The following WAC variants were observed in gnomAD, a reference collection of about 807,000 sequenced individuals.
WAC encodes WW domain containing adaptor with coiled-coil, also known as WW domain-containing adapter protein with coiled-coil.
WAC carries 11 observed loss-of-function variants against 79.6 expected under a neutral mutation model. The ratio of observed to expected loss-of-function variants is 0.14; its 90% CI spans 0.09 to 0.23. WAC has a LOEUF of 0.23. Among genes scored for constraint, WAC ranks in the 10% least tolerant of loss-of-function variants. The pLI is 1.00. For synonymous variants in WAC, 304 were observed against 276.9 expected, an observed-to-expected ratio of 1.10 and a Z score of -0.97; for missense variants, 728 against 773.5, an observed-to-expected ratio of 0.94 and a Z score of 0.70.
intron 3 of WAC, among the ~76,000 whole-genome samples, chr10:28,545,556 A>G (rs1255747150): frequency 6.6e-6 from 1 of 152,214 alleles, no homozygotes; most frequent in African/African-American, 2.4e-5. Context: ...AGATTTAGGG[A>G]GAGTACACAG....
chr10:28,560,050 C>T (rs925379540), intron 3 of WAC, among the ~76,000 whole-genome samples: 5 of 151,980 alleles, frequency 3.3e-5, no homozygotes, highest in Admixed American at 1.3e-4. Context: ...AAGTTAAGAA[C>T]GAAGAATAAG....
At chr10:28,598,037 G>A (rs1345989397) in intron 7 of WAC, among the ~76,000 whole-genome samples, 1 of 152,096 alleles carries the variant, frequency 6.6e-6, no homozygotes, top group Non-Finnish European at 1.5e-5. Flanking sequence ...CAACGTGCTG[G>A]GATTACAGGT....
chr10:28,547,919 T>TTC (rs1837448928), intron 3 of WAC, among the ~76,000 whole-genome samples: 1 of 149,402 alleles, frequency 6.7e-6, no homozygotes, highest in Non-Finnish European at 1.5e-5. Flanking sequence ...CTTTTTCTTT[T>TTC]TTTTTTTTTT....
intron 3 of WAC, among the ~76,000 whole-genome samples, chr10:28,573,337 T>C (rs1185588139): frequency 1.3e-5 from 2 of 152,184 alleles, no homozygotes; most frequent in African/African-American, 4.8e-5. Flanking sequence ...CTGATCTACT[T>C]TCTGTCTCTC....
intron 6 of WAC, among the ~76,000 whole-genome samples, chr10:28,593,851 C>G (rs1840222088): frequency 6.6e-6 from 1 of 152,076 alleles, no homozygotes; most frequent in African/African-American, 2.4e-5. Context: ...TTTTTGCAAA[C>G]CTGTGCTTTA....
At chr10:28,548,184 A>G (rs1267450969) in intron 3 of WAC, among the ~76,000 whole-genome samples, 1 of 151,768 alleles carries the variant, frequency 6.6e-6, no homozygotes, top group African/African-American at 2.4e-5. Flanking sequence ...CTGCCTCCCA[A>G]AGTGCTGGGA....
intron 3 of WAC, among the ~76,000 whole-genome samples, chr10:28,545,801 A>G (rs1837319357): frequency 6.6e-6 from 1 of 152,222 alleles, no homozygotes; most frequent in African/African-American, 2.4e-5. Context: ...TGGACAGGCC[A>G]GTGAGATACA....
Position 28,595,433 on chromosome 10 carries a change from G to GAA in WAC, c.611-300_611-299insAA, listed in dbSNP as rs1564408110. ...CTCCATATGTTGATTTTTTTTTTTT[G>GAA]TGTTTTGTTTGAACTACAGTGTGAT... On this transcript the variant is annotated intron_variant, in intron 6 of 13. Transcript: ENST00000354911. 5.3e-5 allele frequency among the ~76,000 whole-genome samples: 8 copies of GAA among 151,004 alleles called. No homozygotes were observed. The East Asian group carries it at 1.5e-3, about 29-fold the overall frequency.
chr10:28,570,262 A>G (rs1200695970), intron 3 of WAC, among the ~76,000 whole-genome samples: 2 of 152,232 alleles, frequency 1.3e-5, no homozygotes, highest in African/African-American at 4.8e-5. Context: ...TAAAGTTACT[A>G]GTTACCAACT....
At chr10:28,610,665 T>C (rs755829738) in intron 8 of WAC, 34 bp from the exon 9 acceptor site, 1 of 1,579,304 alleles carries the variant, frequency 6.3e-7, no homozygotes. Flanking sequence ...AGCCTCTTGT[T>C]TTTATATGAA....
At chr10:28,608,117 G>C in intron 7 of WAC, 69 bp from the exon 8 acceptor site, 2 of 1,576,566 alleles carry the variant, frequency 1.3e-6, no homozygotes, top group Admixed American at 3.4e-5. Context: ...CATGAGAGGT[G>C]TTCCTTTGAT....
rs551326408 is a variant in WAC at position 28,584,584 on chromosome 10, T to C, written c.381+1079T>C. Among the ~76,000 whole-genome samples the C allele has an allele frequency of 4.0e-4, 61 of 152,256 alleles. No homozygotes were observed. In the East Asian group the frequency reaches 6.8e-3, roughly 17 times the overall value. ...AGCAGTGTGGAAATATAGGAAAGAA[T>C]GAACAATGAGAAGGCTGACAAAGGT... is the stretch of plus-strand genomic sequence containing the variant. On this transcript the variant is annotated intron_variant, in intron 4 of 13. Transcript: ENST00000354911.
chr10:28,536,112 TG>T (rs1038340231), intron 3 of WAC: 1 of 156,792 alleles, frequency 6.4e-6, no homozygotes, highest in Admixed American at 6.4e-5. Flanking sequence ...ATGGTGGTGG[TG>T]GCAGGCGCCT....
At chr10:28,615,916 G>C (rs576313974) in intron 11 of WAC, 33 of 349,466 alleles carry the variant, frequency 9.4e-5, no homozygotes, top group African/African-American at 6.4e-4. Context: ...AAAGTTAACA[G>C]GTTCTGCTCT....
At chr10:28,592,042 A>C (rs1329053059) in intron 6 of WAC, among the ~76,000 whole-genome samples, 3 of 152,132 alleles carry the variant, frequency 2.0e-5, no homozygotes, top group African/African-American at 7.2e-5. Flanking sequence ...GAAAATATTT[A>C]AGATGAAACA....
intron 13 of WAC, among the ~76,000 whole-genome samples, chr10:28,618,663 A>G (rs936718058): frequency 6.6e-6 from 1 of 152,238 alleles, no homozygotes; most frequent in Non-Finnish European, 1.5e-5. Flanking sequence ...TGTACAGGCA[A>G]TAAATATTAT....
intron 7 of WAC, among the ~76,000 whole-genome samples, chr10:28,607,546 G>A (rs888536930): frequency 8.5e-5 from 13 of 152,070 alleles, no homozygotes; most frequent in African/African-American, 2.2e-4. Flanking sequence ...TAATATTAAA[G>A]TGTCCTTTTT....
chr10:28,614,961 C>G (rs1233495175), intron 11 of WAC: 1 of 241,818 alleles, frequency 4.1e-6, no homozygotes, highest in Non-Finnish European at 7.9e-6. Flanking sequence ...ATACTTGTAC[C>G]AGAAAGGCAC....
rs1369277468 is a variant in WAC at position 28,595,730 on chromosome 10, A to C, written c.611-3A>C. ...ATCTGTTTTTTCGAACTGTGAACTA[A>C]AGTGGAAGACAAGCATTCCAGTGAT... On this transcript the variant is annotated splice_polypyrimidine_tract_variant and splice_region_variant and intron_variant, in intron 6 of 13. Coordinates refer to ENST00000354911, the MANE Select transcript of WAC (RefSeq NM_016628.5). 16 of 1,609,690 alleles carry C rather than the reference A, an allele frequency of 9.9e-6. No individual in the cohort carries two copies. Among genetic ancestry groups the C allele is most frequent in the Non-Finnish European group, 1.4e-5 (16 of 1,176,628 alleles).
Sources: gnomAD v4.1 joint callset for allele counts (sites outside exome capture counted in the v4.1 genomes callset) on GRCh38, gnomAD v4.1.1 for gene constraint, MANE v1.5 for transcripts, NCBI Gene and HGNC (gene_info 2026-07-23, HGNC 2026-07-21) for gene names.